Variants in SSBP2 observed in about 807,000 individuals in gnomAD.
The protein encoded by SSBP2 is single stranded DNA binding protein 2, also known as single-stranded DNA-binding protein 2.
In SSBP2, 17 loss-of-function variants were observed where a neutral mutation model predicts 61.8. The observed-to-expected ratio is 0.28, with a 90% CI of 0.19 to 0.41. SSBP2 has a LOEUF of 0.41. SSBP2 is among the 10% of genes least tolerant of loss of function. SSBP2 has a pLI of 1.00. For missense variants in SSBP2, 310 were observed against 458.7 expected (o/e 0.68, Z 2.96); for synonymous variants, 139 against 141.3 (o/e 0.98, Z 0.12).
At chr5:81,437,772 A>C (rs1307549356) in intron 14 of SSBP2, 1 of 174,982 alleles carries the variant, frequency 5.7e-6, no homozygotes, top group African/African-American at 2.4e-5. Context: ...TACCCAATTA[A>C]AAATTTAAAA....
chr5:81,428,510 G>T, intron 16 of SSBP2, 75 bp downstream of exon 16: 1 of 1,080,582 alleles, frequency 9.3e-7, no homozygotes, highest in Non-Finnish European at 1.4e-6. Context: ...CAGTAAAAGT[G>T]GCTTTATGCA....
chr5:81,447,311 G>A (rs923266457), intron 11 of SSBP2, among the ~76,000 whole-genome samples: 1 of 152,116 alleles, frequency 6.6e-6, no homozygotes, highest in Admixed American at 6.6e-5. Context: ...ATTTAAAAAT[G>A]AAGATATCTG....
intron 4 of SSBP2, among the ~76,000 whole-genome samples, chr5:81,587,369 A>G (rs1447779315): frequency 6.6e-6 from 1 of 152,188 alleles, no homozygotes; most frequent in African/African-American, 2.4e-5. Flanking sequence ...GAAAGATTTT[A>G]CCATAACAAC....
At chr5:81,625,342 G>T (rs891210432) in intron 3 of SSBP2, among the ~76,000 whole-genome samples, 3 of 152,094 alleles carry the variant, frequency 2.0e-5, no homozygotes, top group Non-Finnish European at 4.4e-5. Flanking sequence ...AACCTCTAAA[G>T]ATGCAGACTT....
At chr5:81,727,651 A>AT (rs1219007545) in intron 1 of SSBP2, among the ~76,000 whole-genome samples, 1 of 152,232 alleles carries the variant, frequency 6.6e-6, no homozygotes, top group East Asian at 1.9e-4. Context: ...AATGCGTATA[A>AT]TTTGAGATTT....
At chr5:81,654,729 T>C (rs1322981130) in intron 1 of SSBP2, among the ~76,000 whole-genome samples, 1 of 152,194 alleles carries the variant, frequency 6.6e-6, no homozygotes, top group Non-Finnish European at 1.5e-5. Context: ...TAATAAAAGA[T>C]ACTGTTTGAA....
At chr5:81,665,981 C>T (rs1751094806) in intron 1 of SSBP2, among the ~76,000 whole-genome samples, 1 of 152,194 alleles carries the variant, frequency 6.6e-6, no homozygotes, top group Non-Finnish European at 1.5e-5. Context: ...TGAAAGGCTG[C>T]TCATAAGACT....
At chr5:81,716,957 T>C (rs372455998) in intron 1 of SSBP2, among the ~76,000 whole-genome samples, 10 of 152,208 alleles carry the variant, frequency 6.6e-5, no homozygotes, top group African/African-American at 2.4e-4. Flanking sequence ...TGGCCTGAAC[T>C]TCACCAGAAG....
At chr5:81,479,658 T>C (rs1018512324) in intron 6 of SSBP2, among the ~76,000 whole-genome samples, 6 of 152,100 alleles carry the variant, frequency 3.9e-5, no homozygotes, top group African/African-American at 1.4e-4. Context: ...GGGTACTTAA[T>C]AAAAACAAAC....
chr5:81,681,787 T>C (rs527260873), intron 1 of SSBP2, among the ~76,000 whole-genome samples: 5 of 152,044 alleles, frequency 3.3e-5, no homozygotes, highest in Non-Finnish European at 7.4e-5. Flanking sequence ...CAAAGGCTGG[T>C]TGTTTGAAAA....
In SSBP2 at chr5:81,717,317, A is replaced by C. The variant is rs1180518682; in HGVS notation, c.62+33664T>G. ...CTCAGCTCCAGTCCACTATATGTAC[A>C]GCATCTATCCGTAACATATTCTATC... On this transcript the variant is annotated intron_variant, in intron 1 of 16. Coordinates refer to ENST00000320672, the MANE Select transcript of SSBP2 (RefSeq NM_012446.5). Among the ~76,000 whole-genome samples, 3 of 152,180 alleles carry C rather than the reference A, an allele frequency of 2.0e-5. No individual in the cohort carries two copies. The East Asian group carries it at 5.8e-4, about 29-fold the overall frequency.
chr5:81,640,929 C>T (rs1335668697), intron 2 of SSBP2, among the ~76,000 whole-genome samples: 1 of 152,204 alleles, frequency 6.6e-6, no homozygotes, highest in East Asian at 1.9e-4. Flanking sequence ...ATCACTAGAA[C>T]CATCCTAATC....
At chr5:81,456,364 T>TC in intron 10 of SSBP2, among the ~76,000 whole-genome samples, 1 of 151,764 alleles carries the variant, frequency 6.6e-6, no homozygotes, top group Non-Finnish European at 1.5e-5. Context: ...TTTTTTTTTT[T>TC]TCATGTGGCT....
At chr5:81,670,655 T>G (rs550571111) in intron 1 of SSBP2, among the ~76,000 whole-genome samples, 1 of 152,342 alleles carries the variant, frequency 6.6e-6, no homozygotes, top group Non-Finnish European at 1.5e-5. Flanking sequence ...GAAAATAACT[T>G]ATTTATAATT....
At chr5:81,560,064 AAACTTT>A (rs1416667728) in intron 4 of SSBP2, among the ~76,000 whole-genome samples, 2 of 152,246 alleles carry the variant, frequency 1.3e-5, no homozygotes, top group Admixed American at 6.5e-5. Context: ...CCAGAAAAAT[AAACTTT>A]AACTTAAACT....
chr5:81,469,987 T>C (rs2154018478), intron 8 of SSBP2, among the ~76,000 whole-genome samples: 1 of 152,030 alleles, frequency 6.6e-6, no homozygotes, highest in Non-Finnish European at 1.5e-5. Context: ...AAATTTAATT[T>C]CTAGAAAGTT....
At chr5:81,741,187 C>T (rs1201917588) in intron 1 of SSBP2, among the ~76,000 whole-genome samples, 2 of 152,178 alleles carry the variant, frequency 1.3e-5, no homozygotes, top group Non-Finnish European at 2.9e-5. Flanking sequence ...ATCTACTTTA[C>T]GAAGTTGCTA....
chr5:81,564,812 G>C (rs1046671243), intron 4 of SSBP2, among the ~76,000 whole-genome samples: 2 of 152,216 alleles, frequency 1.3e-5, no homozygotes, highest in Non-Finnish European at 2.9e-5. Context: ...CTCTCTCCTA[G>C]TTTCCTGATC....
chr5:81,499,844 T>G (rs900958968), intron 5 of SSBP2, among the ~76,000 whole-genome samples: 1 of 152,238 alleles, frequency 6.6e-6, no homozygotes, highest in Non-Finnish European at 1.5e-5. Flanking sequence ...CCTACTTTCA[T>G]GTAAACTTGC....
Sources: gnomAD v4.1 joint callset for allele counts (sites outside exome capture counted in the v4.1 genomes callset) on GRCh38, gnomAD v4.1.1 for gene constraint, MANE v1.5 for transcripts, NCBI Gene and HGNC (gene_info 2026-07-23, HGNC 2026-07-21) for gene names.